The following MYOF variants were observed in gnomAD, a reference collection of about 807,000 sequenced individuals.
MYOF encodes the protein fer-1-like 3, myoferlin.
In MYOF, 244 loss-of-function variants were observed where a neutral mutation model predicts 284.2. The observed-to-expected ratio is 0.86, with a 90% CI of 0.77 to 0.95. The LOEUF is 0.95. Ranked by LOEUF, MYOF falls within the 40% of genes least tolerant of loss-of-function variation. MYOF has a pLI of 0.00. For synonymous variants in MYOF, 904 were observed against 919.7 expected, an observed-to-expected ratio of 0.98 and a Z score of 0.31; for missense variants, 2,496 against 2,560.6, an observed-to-expected ratio of 0.97 and a Z score of 0.54.
chr10:93,404,334 A>G (rs1028740750), intron 7 of MYOF, 115 bp from the exon 8 acceptor site: 1 of 1,083,578 alleles, frequency 9.2e-7, no homozygotes, highest in African/African-American at 1.6e-5. Context: ...ATTCAAAATT[A>G]GGTTTGACCA....
At position 93,306,978 on chromosome 10, in the gene MYOF, T is replaced by C. The variant is rs933724219; in HGVS notation, c.6171A>G (p.Val2057=). 6.8e-6 allele frequency: 11 copies of C among 1,613,380 alleles called. No individual in the cohort carries two copies. Among genetic ancestry groups the C allele is most frequent in the Non-Finnish European group, 9.3e-6 (11 of 1,179,550 alleles). Residue 2057 remains valine, a synonymous_variant, in exon 54 of 54, where the codon GTA becomes GTG. Coordinates refer to ENST00000359263, the MANE Select transcript of MYOF (RefSeq NM_013451.4). The part of the protein sequence containing the change: ...SLPNYLSMKI[V]KPNV ...TTTGCCTTTGTTACACATTTGGCTT[T>C]ACAATCTTCATTGACAAATAGTTCT... is the stretch of plus-strand genomic sequence containing the variant.
At chr10:93,328,985 C>T (rs563672999) in intron 44 of MYOF, 74 bp from the exon 45 acceptor site, 8 of 1,482,590 alleles carry the variant, frequency 5.4e-6, no homozygotes, top group Non-Finnish European at 7.3e-6. Flanking sequence ...CATACATGCT[C>T]ATGTACTCTT....
At chr10:93,412,886 A>C (rs1433558669) in intron 5 of MYOF, among the ~76,000 whole-genome samples, 1 of 152,138 alleles carries the variant, frequency 6.6e-6, no homozygotes, top group Non-Finnish European at 1.5e-5. Flanking sequence ...GCCTCGGGGA[A>C]GCACTGGGGG....
chr10:93,381,376 C>T lies in MYOF; in HGVS notation c.1719G>A (p.Lys573=). 6.2e-7 allele frequency: 1 copy of T among 1,614,216 alleles called. No homozygotes were observed. The highest frequency in any genetic ancestry group is 1.6e-4 in the Middle Eastern group (1 of 6,062). ...AATGAAACACGGCAGACAGGCTGTA[C>T]TTCCGCCTTCGCTGGTATTTCTATA... ...LVVEKYQRRR[K]YSLSAVFHSA... Residue 573 remains lysine (K), a synonymous_variant, in exon 20 of 54, where the codon AAG becomes AAA. Transcript: ENST00000359263.
chr10:93,470,842 G>A (rs2057130353), intron 1 of MYOF, among the ~76,000 whole-genome samples: 1 of 152,142 alleles, frequency 6.6e-6, no homozygotes, highest in Admixed American at 6.5e-5. Flanking sequence ...CTCAATCAAT[G>A]CTTGGATCAA....
chr10:93,352,608 G>A (rs963530750), intron 32 of MYOF, among the ~76,000 whole-genome samples: 1 of 152,156 alleles, frequency 6.6e-6, no homozygotes, highest in African/African-American at 2.4e-5. Flanking sequence ...GCAGTTGCCT[G>A]GGGGCTGACT....
At position 93,409,643 on chromosome 10, in the gene MYOF, T is replaced by A. The variant is rs766692978; in HGVS notation, c.530A>T (p.Gln177Leu). The A allele has an allele frequency of 3.7e-5, 60 of 1,614,078 alleles. No individual in the cohort carries two copies. The highest frequency in any genetic ancestry group is 4.8e-5 in the Non-Finnish European group (57 of 1,180,008). Residue 177 changes from glutamine to leucine, a missense_variant, in exon 6 of 54, where the codon CAG (glutamine) becomes CTG (leucine). Around this residue, in one of 3 missense-constraint regions of MYOF, gnomAD observed 2,436 missense variants for 2,480.7 expected, o/e 0.98. Transcript: ENST00000359263. ...TACTTTGGTGAGCCTCCGAGCAAGCTGAGCTTCCGACACCGTCCCAACTGG... is the reference window on the plus strand; with the variant it reads ...TACTTTGGTGAGCCTCCGAGCAAGCAGAGCTTCCGACACCGTCCCAACTGG... ...KGPVGTVSEA[Q>L]LARRLTKVKN...
At chr10:93,409,776 C>T (rs1283084436) in intron 5 of MYOF, 37 bp from the exon 6 acceptor site, 51 of 1,604,430 alleles carry the variant, frequency 3.2e-5, no homozygotes, top group Non-Finnish European at 3.5e-5. Flanking sequence ...AGGGATAGCC[C>T]TTATCCTGTA....
At chr10:93,315,097 A>G (rs760873344) in intron 50 of MYOF, among the ~76,000 whole-genome samples, 12 of 152,154 alleles carry the variant, frequency 7.9e-5, no homozygotes, top group Non-Finnish European at 1.8e-4. Flanking sequence ...AGAATTTACT[A>G]TCCATATACT....
intron 53 of MYOF, among the ~76,000 whole-genome samples, chr10:93,308,501 C>A (rs1190604146): frequency 6.8e-6 from 1 of 147,598 alleles, no homozygotes; most frequent in Admixed American, 6.8e-5. Context: ...ATGAGAAATG[C>A]TTGAACCTGG....
chr10:93,431,384 T>C (rs773312844), intron 4 of MYOF, 24 bp downstream of exon 4: 1 of 1,600,860 alleles, frequency 6.2e-7, no homozygotes, highest in Non-Finnish European at 8.6e-7. Context: ...TTCAAAGCCA[T>C]TCAATAAGAG....
chr10:93,362,610 CA>C (rs2133933165), intron 27 of MYOF, among the ~76,000 whole-genome samples: 1 of 151,988 alleles, frequency 6.6e-6, no homozygotes, highest in Admixed American at 6.5e-5. Context: ...ATACAATTAG[CA>C]AAATTTATCT....
At position 93,381,404 on chromosome 10, in the gene MYOF, G is replaced by A. The variant is rs1408071336; in HGVS notation, c.1699-8C>T. On this transcript the variant is annotated splice_polypyrimidine_tract_variant and splice_region_variant and intron_variant, in intron 19 of 53. Transcript: ENST00000359263. ...CCGCCTTCGCTGGTATTTCTATAAA[G>A]TATGAGCAGACATAAGGTTCAGTGA... The A allele has an allele frequency of 3.1e-6, 5 of 1,613,868 alleles. No individual in the cohort carries two copies. The highest frequency in any genetic ancestry group is 3.4e-6 in the Non-Finnish European group (4 of 1,179,918).
intron 11 of MYOF, 137 bp from the exon 12 acceptor site, chr10:93,401,681 C>T: frequency 8.9e-7 from 1 of 1,121,178 alleles, no homozygotes; most frequent in Non-Finnish European, 1.3e-6. Flanking sequence ...AGAGTTCAGC[C>T]TGCCATCAGC....
chr10:93,465,450 G>T (rs763507717), intron 1 of MYOF, among the ~76,000 whole-genome samples: 6 of 152,062 alleles, frequency 3.9e-5, no homozygotes, highest in Non-Finnish European at 7.4e-5. Context: ...CCAGCCCAGG[G>T]CCTGGCACAC....
At chr10:93,315,382 A>G (rs1842571541) in intron 50 of MYOF, among the ~76,000 whole-genome samples, 1 of 152,168 alleles carries the variant, frequency 6.6e-6, no homozygotes, top group African/African-American at 2.4e-5. Context: ...GATAAAACAG[A>G]TGACATTGCT....
At chr10:93,463,804 C>T (rs891216615) in intron 1 of MYOF, among the ~76,000 whole-genome samples, 2 of 141,266 alleles carry the variant, frequency 1.4e-5, no homozygotes, top group African/African-American at 2.7e-5. Flanking sequence ...CTTGGGAGGT[C>T]AAGGCTGCAG....
Position 93,325,876 on chromosome 10 carries a change from G to A in MYOF, c.5221C>T (p.His1741Tyr). Residue 1741 changes from histidine to tyrosine, a missense_variant, in exon 46 of 54, where the codon CAC becomes TAC. This residue lies in a region of MYOF where 2,436 missense variants were observed against 2,480.7 expected (regional missense o/e 0.98). Coordinates refer to ENST00000359263, the MANE Select transcript of MYOF (RefSeq NM_013451.4). ...ILRTQGLVPE[H>Y]VETRTLHSTF... ...CTGTGCAAAGTCCTTGTTTCCACGT[G>A]CTCAGGGACCAGCCCCTGAGTCCTG... The A allele has an allele frequency of 6.2e-7, 1 of 1,614,036 alleles. No homozygotes were observed. The highest frequency in any genetic ancestry group is 8.5e-7 in the Non-Finnish European group (1 of 1,180,002).
intron 36 of MYOF, among the ~76,000 whole-genome samples, chr10:93,348,191 G>T (rs189598744): frequency 6.6e-6 from 1 of 152,304 alleles, no homozygotes; most frequent in Admixed American, 6.5e-5. Flanking sequence ...CCTGGGAGGG[G>T]ACATGCACAA....
Sources: allele counts gnomAD v4.1 joint callset (sites outside exome capture counted in the v4.1 genomes callset), GRCh38; gene constraint gnomAD v4.1.1; regional missense constraint gnomAD v4.1.1; transcripts MANE v1.5; gene names NCBI Gene and HGNC (gene_info 2026-07-23, HGNC 2026-07-21).